The following SNX13 variants were observed in gnomAD, a reference collection of about 807,000 sequenced individuals.
The protein encoded by SNX13 is sorting nexin-13.
In SNX13, 45 loss-of-function variants were observed where a neutral mutation model predicts 133.6. The observed-to-expected ratio is 0.34, with a 90% CI of 0.27 to 0.43. The LOEUF (loss-of-function observed/expected upper bound fraction) is 0.43. SNX13 is among the 20% of genes least tolerant of loss of function. The probability of loss-of-function intolerance (pLI) is 1.00; values close to 1 mark genes in which losing one functional copy is unlikely to be tolerated. For missense variants in SNX13, 1,032 were observed against 1,145.1 expected (o/e 0.90, Z 1.43); for synonymous variants, 414 against 373.9 (o/e 1.11, Z -1.24).
At position 17,890,471 on chromosome 7, in the gene SNX13, G is replaced by A; in HGVS notation, c.332C>T (p.Ser111Phe). The change falls in exon 5 of 26, where the codon TCC (serine) becomes TTC (phenylalanine). Residue 111 changes from serine (S) to phenylalanine (F), a missense_variant. Coordinates refer to ENST00000428135, the MANE Select transcript of SNX13 (RefSeq NM_015132.5). Reference sequence around the variant, plus strand: ...CCAATACTGGACATAATCCCTCAAGGAAAACTGGATAACCTATAACAAAAA... The same window carrying A: ...CCAATACTGGACATAATCCCTCAAGAAAAACTGGATAACCTATAACAAAAA... ...DEPLQQVIQF[S>F]LRDYVQYWYY... The A allele has an allele frequency of 6.4e-7, 1 of 1,571,858 alleles. No homozygotes were observed. The highest frequency in any genetic ancestry group is 8.6e-7 in the Non-Finnish European group (1 of 1,158,842).
At chr7:17,908,563 C>A (rs752680705) in intron 1 of SNX13, among the ~76,000 whole-genome samples, 11 of 152,188 alleles carry the variant, frequency 7.2e-5, no homozygotes, top group Non-Finnish European at 1.5e-4. Context: ...TCATTGTATT[C>A]TCTGCTTCCA....
intron 12 of SNX13, among the ~76,000 whole-genome samples, chr7:17,844,394 G>A (rs1268154518): frequency 2.0e-5 from 3 of 152,018 alleles, no homozygotes; most frequent in African/African-American, 7.2e-5. Context: ...ACGTAGTAAG[G>A]AGAATGAATC....
Position 17,859,761 on chromosome 7 carries a change from T to C in SNX13, c.837+8646A>G, listed in dbSNP as rs188400946. On this transcript the variant is annotated intron_variant, in intron 9 of 25. Coordinates refer to ENST00000428135, the MANE Select transcript of SNX13 (RefSeq NM_015132.5). Reference sequence around the variant, plus strand: ...AGAGGGATCATGCAGTATTTGTCTTTCTGTGATAAGCTTATTTCACTTAAC... The same window carrying C: ...AGAGGGATCATGCAGTATTTGTCTTCCTGTGATAAGCTTATTTCACTTAAC... Among the ~76,000 whole-genome samples the C allele has an allele frequency of 4.5e-4, 69 of 152,306 alleles. No individual in the cohort carries two copies. In the East Asian group the frequency reaches 8.1e-3, roughly 18 times the overall value.
chr7:17,922,954 G>A (rs372351874), intron 1 of SNX13, among the ~76,000 whole-genome samples: 2 of 152,020 alleles, frequency 1.3e-5, no homozygotes. Flanking sequence ...CTTTCACACT[G>A]GTTTACTTTT....
chr7:17,880,508 T>C (rs1206064125), intron 5 of SNX13: 3 of 152,186 alleles, frequency 2.0e-5, no homozygotes, highest in Non-Finnish European at 4.4e-5. Flanking sequence ...ATCACCAATA[T>C]TCAGGTCACA....
chr7:17,792,039 T>G lies in SNX13; in HGVS notation c.*2006A>C, dbSNP rs1562630280. 1 of 152,138 alleles carries G rather than the reference T, an allele frequency of 6.6e-6. No individual in the cohort carries two copies. Among genetic ancestry groups the G allele is most frequent in the African/African-American group, 2.4e-5 (1 of 41,454 alleles). 9.4% of individuals were successfully genotyped at this position (152,138 alleles called of 1,614,324 possible). On this transcript the variant is annotated 3_prime_UTR_variant, in exon 26 of 26. Transcript: ENST00000428135. ...TATTACATGACCTTTATTTCCCTAA[T>G]TGATGGCCAGTGCTCCTCACATTAT... is the stretch of plus-strand genomic sequence containing the variant.
chr7:17,936,861 G>C (rs1372134230), intron 1 of SNX13, among the ~76,000 whole-genome samples: 1 of 151,222 alleles, frequency 6.6e-6, no homozygotes, highest in Non-Finnish European at 1.5e-5. Context: ...AAGGGATAGA[G>C]GGAGAGTGAG....
rs367803434 is a variant in SNX13, at chr7:17,793,474, T to C, written c.*571A>G. 36 of 151,946 alleles carry C rather than the reference T, an allele frequency of 2.4e-4. No individual in the cohort carries two copies. Among genetic ancestry groups the C allele is most frequent in the African/African-American group, 8.7e-4 (36 of 41,512 alleles). 9.4% of individuals were successfully genotyped at this position (151,946 alleles called of 1,614,324 possible). ...TCAGCTTTATTTTATATCACAAAAC[T>C]GTAATTCAGGTATAAGGTTATTTCA... On this transcript the variant is annotated 3_prime_UTR_variant, in exon 26 of 26. Transcript: ENST00000428135.
Position 17,873,551 on chromosome 7 carries a change from T to C in SNX13, c.730A>G (p.Lys244Glu). 6.3e-7 allele frequency: 1 copy of C among 1,587,342 alleles called. No individual in the cohort carries two copies. The highest frequency in any genetic ancestry group is 2.3e-5 in the East Asian group (1 of 43,934). ...ACCCTGACAAAGTATCGCATGATCT[T>C]GTTCTGGAAATCTCCAGGAGGTAGC... ...LLLPPGDFQNKIMRYFVREIL... is the reference protein window; with the variant it reads ...LLLPPGDFQNEIMRYFVREIL... The change falls in exon 8 of 26, where the codon AAG becomes GAG. Residue 244 changes from lysine to glutamate, a missense_variant. By Grantham distance (56) the Lys-to-Glu change is moderately conservative. Coordinates refer to ENST00000428135, the MANE Select transcript of SNX13 (RefSeq NM_015132.5).
At chr7:17,905,477 TTAAA>T (rs1798292561) in intron 1 of SNX13, among the ~76,000 whole-genome samples, 1 of 152,210 alleles carries the variant, frequency 6.6e-6, no homozygotes, top group Non-Finnish European at 1.5e-5. Flanking sequence ...CCTTTAGAGC[TTAAA>T]TATTTTTAGA....
At chr7:17,917,615 G>T (rs1163248742) in intron 1 of SNX13, among the ~76,000 whole-genome samples, 1 of 150,456 alleles carries the variant, frequency 6.6e-6, no homozygotes, top group Admixed American at 6.6e-5. Flanking sequence ...TCTACAAACA[G>T]AACTATAAAA....
intron 1 of SNX13, among the ~76,000 whole-genome samples, chr7:17,923,723 C>A (rs748055695): frequency 1.3e-5 from 2 of 152,130 alleles, no homozygotes; most frequent in Non-Finnish European, 2.9e-5. Context: ...TGGGAGTCCT[C>A]TTCTTCTCGG....
At chr7:17,844,173 T>C (rs1353506279) in intron 12 of SNX13, among the ~76,000 whole-genome samples, 2 of 151,922 alleles carry the variant, frequency 1.3e-5, no homozygotes, top group Non-Finnish European at 2.9e-5. Flanking sequence ...TAACAAACAT[T>C]TATCCAGGAG....
intron 9 of SNX13, among the ~76,000 whole-genome samples, chr7:17,863,364 T>C (rs1048506897): frequency 6.6e-6 from 1 of 152,028 alleles, no homozygotes; most frequent in South Asian, 2.1e-4. Context: ...CAGCAGAGTG[T>C]CTGTGTCATC....
At chr7:17,900,521 C>T (rs1797708258) in intron 1 of SNX13, among the ~76,000 whole-genome samples, 1 of 152,238 alleles carries the variant, frequency 6.6e-6, no homozygotes, top group African/African-American at 2.4e-5. Context: ...AGCACCCAAG[C>T]CACAAGATGA....
intron 9 of SNX13, among the ~76,000 whole-genome samples, chr7:17,852,144 C>T (rs371514231): frequency 6.6e-5 from 10 of 152,280 alleles, no homozygotes; most frequent in East Asian, 1.9e-4. Flanking sequence ...TAGGCCAAGG[C>T]GGGCGGATCA....
chr7:17,828,276 T>TAAAAGAC (rs1788125314), intron 16 of SNX13, among the ~76,000 whole-genome samples: 1 of 151,760 alleles, frequency 6.6e-6, no homozygotes, highest in African/African-American at 2.4e-5. Context: ...AGGAATATAT[T>TAAAAGAC]AAAAGACAAT....
At chr7:17,883,095 TTA>T (rs1236572094) in intron 5 of SNX13, among the ~76,000 whole-genome samples, 31 of 152,202 alleles carry the variant, frequency 2.0e-4, no homozygotes, top group Non-Finnish European at 2.2e-4. Context: ...GCATGCAGTT[TTA>T]TATGACTGTA....
At chr7:17,898,591 A>G (rs530559359) in intron 1 of SNX13, among the ~76,000 whole-genome samples, 2 of 152,338 alleles carry the variant, frequency 1.3e-5, no homozygotes, top group East Asian at 3.9e-4. Flanking sequence ...ATAAGTTCAC[A>G]TACCTTCATA....
Sources: allele counts gnomAD v4.1 joint callset (sites outside exome capture counted in the v4.1 genomes callset), GRCh38; gene constraint gnomAD v4.1.1; transcripts MANE v1.5; gene names NCBI Gene and HGNC (gene_info 2026-07-23, HGNC 2026-07-21).